The following PABPC4 variants were observed in gnomAD, a reference collection of about 807,000 sequenced individuals.
PABPC4 encodes the protein poly(A) binding protein cytoplasmic 4.
A neutral mutation model predicts 74.5 loss-of-function variants in PABPC4; 15 were observed. That is an observed-to-expected ratio of 0.20 (90% CI 0.13 to 0.31). The LOEUF is 0.31. PABPC4 is among the 10% of genes least tolerant of loss of function. The probability of loss-of-function intolerance (pLI) is 1.00; values close to 1 mark genes in which losing one functional copy is unlikely to be tolerated. For missense variants in PABPC4, 610 were observed against 853.5 expected (o/e 0.71, Z 3.55); for synonymous variants, 345 against 303.0 (o/e 1.14, Z -1.44).
At chr1:39,561,926 C>T in intron 14 of PABPC4, 139 bp from the exon 15 acceptor site, 1 of 1,158,368 alleles carries the variant, frequency 8.6e-7, no homozygotes, top group Non-Finnish European at 1.2e-6. Flanking sequence ...CCCAAATACC[C>T]ACTGCAGCCT....
In PABPC4 at chr1:39,563,707, G is replaced by T. The variant is rs780185009; in HGVS notation, c.1575C>A (p.Arg525=). 3 of 1,614,140 alleles carry T rather than the reference G, an allele frequency of 1.9e-6. No homozygotes were observed. The highest frequency in any genetic ancestry group is 2.5e-6 in the Non-Finnish European group (3 of 1,180,042). ...GGGGAGCAGCAGCAGCAACAGCAGC[G>T]CGTGGCGCTAAGTTCTGCACAGCTG... ...VPTAVQNLAP[R]AAVAAAAPRA... The change falls in exon 12 of 16, where the codon CGC becomes CGA. Residue 525 remains arginine, a synonymous_variant. Transcript: ENST00000372858.
At chr1:39,561,913 T>G in intron 14 of PABPC4, 126 bp from the exon 15 acceptor site, 1 of 1,176,410 alleles carries the variant, frequency 8.5e-7, no homozygotes. Flanking sequence ...TGCTAACTAC[T>G]TTCCCAAATA....
intron 12 of PABPC4, 50 bp downstream of exon 12, chr1:39,563,563 CA>C: frequency 6.3e-7 from 1 of 1,586,346 alleles, no homozygotes; most frequent in Non-Finnish European, 8.6e-7. Context: ...TCTTTTACAT[CA>C]AGTGGAAATG....
chr1:39,564,523 A>G lies in PABPC4; in HGVS notation c.1353T>C (p.Ser451=), dbSNP rs1034439037. The change falls in exon 10 of 16, where the codon AGT becomes AGC. Residue 451 remains serine, a synonymous_variant. Coordinates refer to ENST00000372858, the MANE Select transcript of PABPC4 (RefSeq NM_001135653.2). ...GACGAGGCCCAGACTGGCGTATAGC[A>G]CTTGGCATTCCTTGGAAGCCTGGTG... ...GRPQGFQGMP[S]AIRQSGPRPT... is the part of the protein sequence containing the mutation. 25 of 1,614,218 alleles carry G rather than the reference A, an allele frequency of 1.5e-5. No individual in the cohort carries two copies. The highest frequency in any genetic ancestry group is 2.0e-5 in the Non-Finnish European group (24 of 1,180,028).
intron 7 of PABPC4, 37 bp downstream of exon 7, chr1:39,567,714 T>TA (rs747204345): frequency 1.2e-5 from 12 of 984,158 alleles, no homozygotes; most frequent in Non-Finnish European, 3.3e-6. Context: ...TATAATGGAA[T>TA]ACCACTGCTT....
chr1:39,565,530 C>A (rs1461832151), intron 7 of PABPC4, 152 bp from the exon 8 acceptor site: 3 of 752,124 alleles, frequency 4.0e-6, no homozygotes, highest in Non-Finnish European at 6.4e-6. Context: ...AGTGAGACCT[C>A]ATCTCAAAAA....
intron 1 of PABPC4, among the ~76,000 whole-genome samples, chr1:39,575,412 C>T (rs1319167973): frequency 1.3e-5 from 2 of 152,150 alleles, no homozygotes; most frequent in Non-Finnish European, 2.9e-5. Flanking sequence ...CTGTGAGGGG[C>T]ACAAGCAAGG....
intron 3 of PABPC4, 74 bp downstream of exon 3, chr1:39,571,160 G>A: frequency 6.2e-7 from 1 of 1,608,078 alleles, no homozygotes; most frequent in Admixed American, 1.7e-5. Flanking sequence ...GCCGCCTTGT[G>A]TGTGCCAGTT....
At chr1:39,570,147 C>G in intron 3 of PABPC4, 145 bp from the exon 4 acceptor site, 1 of 767,936 alleles carries the variant, frequency 1.3e-6, no homozygotes, top group Non-Finnish European at 2.1e-6. Context: ...AGAGATACCC[C>G]AAGTCCCCAG....
intron 7 of PABPC4, among the ~76,000 whole-genome samples, chr1:39,566,643 A>C (rs963342048): frequency 2.0e-5 from 3 of 152,236 alleles, no homozygotes; most frequent in South Asian, 4.1e-4. Context: ...GCATCACTCC[A>C]TAACTCTCTA....
At position 39,565,372 on chromosome 1, in the gene PABPC4, G is replaced by A. The variant is rs1250562134; in HGVS notation, c.979C>T (p.Leu327=). Residue 327 remains leucine, a synonymous_variant, in exon 8 of 16, where the codon CTG becomes TTG. Transcript: ENST00000372858. ...AACCCTTTGCTTCTTCCATCCTCCA[G>A]CATTACCTACAAAATGAGACCAGCT... ...FGSITSAKVM[L]EDGRSKGFGF... The A allele has an allele frequency of 6.2e-7, 1 of 1,609,904 alleles. No individual in the cohort carries two copies.
At chr1:39,569,008 C>G in intron 5 of PABPC4, 69 bp from the exon 6 acceptor site, 1 of 1,512,420 alleles carries the variant, frequency 6.6e-7, no homozygotes, top group South Asian at 1.3e-5. Context: ...GGTCTAAGTC[C>G]CAAAAAATAT....
intron 12 of PABPC4, chr1:39,563,262 T>TA: frequency 4.2e-6 from 1 of 235,930 alleles, no homozygotes; most frequent in Non-Finnish European, 8.3e-6. Context: ...TTTCCTGCAT[T>TA]AATGTACCAA....
At chr1:39,570,423 C>G (rs1645922786) in intron 3 of PABPC4, 1 of 164,346 alleles carries the variant, frequency 6.1e-6, no homozygotes, top group Non-Finnish European at 1.3e-5. Flanking sequence ...TTATTTTGGT[C>G]TGTTATACTT....
chr1:39,561,622 C>A, intron 15 of PABPC4, 63 bp downstream of exon 15: 1 of 1,187,862 alleles, frequency 8.4e-7, no homozygotes. Flanking sequence ...CAGGTCAAAC[C>A]ACAAAGACAA....
At chr1:39,569,750 G>T in intron 4 of PABPC4, 61 bp from the exon 5 acceptor site, 1 of 1,581,128 alleles carries the variant, frequency 6.3e-7, no homozygotes, top group Non-Finnish European at 8.7e-7. Flanking sequence ...GGAACAGAAG[G>T]CTTCCCTCTG....
rs1381521438 is a variant in PABPC4 at position 39,568,684 on chromosome 1, T to G, written c.876+118A>C. ...TCCTTTTAAACCTCATCTTTTTAGGTAAAATGGGAAGAAGAACACACTCCA... is the reference window on the plus strand; with the variant it reads ...TCCTTTTAAACCTCATCTTTTTAGGGAAAATGGGAAGAAGAACACACTCCA... On this transcript the variant is annotated intron_variant, in intron 6 of 15. Coordinates refer to ENST00000372858, the MANE Select transcript of PABPC4 (RefSeq NM_001135653.2). The G allele has an allele frequency of 4.4e-6, 4 of 915,490 alleles. No homozygotes were observed. In the African/African-American group the frequency reaches 5.0e-5, roughly 11 times the overall value. 56.7% of individuals were successfully genotyped at this position (915,490 alleles called of 1,614,324 possible).
At chr1:39,563,986 G>A (rs927549080) in intron 10 of PABPC4, 64 bp from the exon 11 acceptor site, 44 of 1,480,722 alleles carry the variant, frequency 3.0e-5, no homozygotes, top group Middle Eastern at 1.7e-4. Flanking sequence ...CACGTCCCAC[G>A]GAAGGAGAAA....
intron 1 of PABPC4, 107 bp from the exon 2 acceptor site, chr1:39,572,693 TA>T: frequency 3.9e-6 from 3 of 767,186 alleles, no homozygotes; most frequent in Non-Finnish European, 6.4e-6. Context: ...TCACTCTTGA[TA>T]AAAGGCAACT....
Sources: gnomAD v4.1 joint callset for allele counts (sites outside exome capture counted in the v4.1 genomes callset) on GRCh38, gnomAD v4.1.1 for gene constraint, MANE v1.5 for transcripts, NCBI Gene and HGNC (gene_info 2026-07-23, HGNC 2026-07-21) for gene names.